The following MAP2 variants were observed in gnomAD, a reference collection of about 807,000 sequenced individuals.
The protein encoded by MAP2 is microtubule-associated protein 2.
MAP2 carries 14 observed loss-of-function variants against 137.6 expected under a neutral mutation model. The ratio of observed to expected loss-of-function variants is 0.10; its 90% CI spans 0.07 to 0.16. The LOEUF is 0.16. Among genes scored for constraint, MAP2 ranks in the 10% least tolerant of loss-of-function variants. The pLI, the probability that MAP2 is intolerant of heterozygous loss-of-function variation, is 1.00. For synonymous variants in MAP2, 786 were observed against 782.3 expected, an observed-to-expected ratio of 1.00 and a Z score of -0.08; for missense variants, 2,088 against 2,191.5, an observed-to-expected ratio of 0.95 and a Z score of 0.94.
rs147926728 is a variant in MAP2, at chr2:209,696,280, C to T, written c.4110C>T (p.Asp1370=). Reference sequence around the variant, plus strand: ...CTGAATATAAGACAGAAACCTATGACGATTACAAAGATGAGACCACCATTG... The same window carrying T: ...CTGAATATAAGACAGAAACCTATGATGATTACAAAGATGAGACCACCATTG... ...ALSEYKTETY[D]DYKDETTIDD... Residue 1370 remains aspartate (D), a synonymous_variant, in exon 8 of 16, where the codon GAC becomes GAT. Coordinates refer to ENST00000682079, the MANE Select transcript of MAP2 (RefSeq NM_001375505.1). 54 of 1,604,512 alleles carry T rather than the reference C, an allele frequency of 3.4e-5. No individual in the cohort carries two copies. The highest frequency in any genetic ancestry group is 9.0e-5 in the South Asian group (8 of 89,228).
chr2:209,530,255 A>G (rs565514602), intron 2 of MAP2, among the ~76,000 whole-genome samples: 3 of 152,222 alleles, frequency 2.0e-5, no homozygotes, highest in Admixed American at 2.0e-4. Flanking sequence ...CTAGTCACAT[A>G]TACTTCTTGT....
chr2:209,452,752 G>A (rs926610245), intron 1 of MAP2, among the ~76,000 whole-genome samples: 1 of 152,058 alleles, frequency 6.6e-6, no homozygotes, highest in Non-Finnish European at 1.5e-5. Context: ...ACCAGCCAAC[G>A]GTTCTTTATG....
At chr2:209,529,015 G>C (rs2064670707) in intron 2 of MAP2, among the ~76,000 whole-genome samples, 1 of 151,468 alleles carries the variant, frequency 6.6e-6, no homozygotes. Context: ...CTTTTTCTCT[G>C]GGGAAGACCA....
intron 2 of MAP2, among the ~76,000 whole-genome samples, chr2:209,551,465 A>G (rs2069152989): frequency 6.6e-6 from 1 of 152,208 alleles, no homozygotes; most frequent in East Asian, 1.9e-4. Context: ...ATAATTTTTA[A>G]AAAGTGATTT....
intron 3 of MAP2, among the ~76,000 whole-genome samples, chr2:209,618,433 G>A (rs1318536070): frequency 6.6e-6 from 1 of 152,158 alleles, no homozygotes; most frequent in Non-Finnish European, 1.5e-5. Flanking sequence ...TTTTGACCAT[G>A]AGTGCTACTA....
At chr2:209,489,753 A>C (rs2058839805) in intron 1 of MAP2, among the ~76,000 whole-genome samples, 1 of 152,182 alleles carries the variant, frequency 6.6e-6, no homozygotes, top group Non-Finnish European at 1.5e-5. Context: ...AAAAATAATA[A>C]AAAAGAATGA....
At chr2:209,636,446 G>T (rs182548325) in intron 4 of MAP2, among the ~76,000 whole-genome samples, 3 of 152,034 alleles carry the variant, frequency 2.0e-5, no homozygotes, top group Non-Finnish European at 4.4e-5. Flanking sequence ...TTTTTGGCAT[G>T]TGTTTACAAT....
At chr2:209,625,458 C>T (rs923315665) in intron 4 of MAP2, among the ~76,000 whole-genome samples, 1 of 152,124 alleles carries the variant, frequency 6.6e-6, no homozygotes, top group African/African-American at 2.4e-5. Flanking sequence ...CAAGCATGAT[C>T]CTACATGACT....
intron 2 of MAP2, among the ~76,000 whole-genome samples, chr2:209,556,892 A>T (rs934647576): frequency 6.6e-6 from 1 of 152,048 alleles, no homozygotes; most frequent in Non-Finnish European, 1.5e-5. Flanking sequence ...AAAACAAAAT[A>T]AGAATATTCA....
intron 2 of MAP2, among the ~76,000 whole-genome samples, chr2:209,539,915 T>C (rs2066613932): frequency 7.5e-6 from 1 of 133,540 alleles, no homozygotes; most frequent in South Asian, 2.4e-4. Flanking sequence ...CTGGGTAACA[T>C]AGTGAGACCC....
chr2:209,700,944 AT>A, intron 11 of MAP2, among the ~76,000 whole-genome samples: 1 of 152,124 alleles, frequency 6.6e-6, no homozygotes, highest in Non-Finnish European at 1.5e-5. Flanking sequence ...TGACTACGTA[AT>A]ACTGCATTTT....
chr2:209,542,542 C>T (rs1169699114), intron 2 of MAP2, among the ~76,000 whole-genome samples: 1 of 152,194 alleles, frequency 6.6e-6, no homozygotes, highest in African/African-American at 2.4e-5. Flanking sequence ...GGATCTTCTT[C>T]CAATAAAAAG....
intron 3 of MAP2, among the ~76,000 whole-genome samples, chr2:209,620,770 T>G (rs375689842): frequency 1.3e-3 from 203 of 152,322 alleles, no homozygotes; most frequent in African/African-American, 4.7e-3. Context: ...GTGCACTAAA[T>G]TACATGAATT....
At position 209,710,143 on chromosome 2, in the gene MAP2, T is replaced by G; in HGVS notation, c.4962T>G (p.Pro1654=). The G allele has an allele frequency of 6.2e-7, 1 of 1,613,986 alleles. No homozygotes were observed. The highest frequency in any genetic ancestry group is 8.5e-7 in the Non-Finnish European group (1 of 1,180,008). ...VAIIRTPPKS[P]ATPKQLRLIN... ...TCATACGTACTCCTCCAAAATCTCCTGCGACTCCCAAGCAGCTTCGGCTTA... is the reference window on the plus strand; with the variant it reads ...TCATACGTACTCCTCCAAAATCTCCGGCGACTCCCAAGCAGCTTCGGCTTA... Residue 1654 remains proline (P), a synonymous_variant, in exon 13 of 16, where the codon CCT becomes CCG. Coordinates refer to ENST00000682079, the MANE Select transcript of MAP2 (RefSeq NM_001375505.1).
At chr2:209,427,096 C>T (rs1025530835) in intron 1 of MAP2, among the ~76,000 whole-genome samples, 1 of 152,122 alleles carries the variant, frequency 6.6e-6, no homozygotes, top group East Asian at 1.9e-4. Flanking sequence ...TCATTGATGT[C>T]CTTTTGAGAC....
At chr2:209,639,291 C>A (rs1032424728) in intron 4 of MAP2, among the ~76,000 whole-genome samples, 1 of 152,110 alleles carries the variant, frequency 6.6e-6, no homozygotes, top group Admixed American at 6.6e-5. Context: ...GATATTTTAT[C>A]ATTCTTTTCA....
chr2:209,431,370 A>C (rs1454688195), intron 1 of MAP2, among the ~76,000 whole-genome samples: 1 of 152,194 alleles, frequency 6.6e-6, no homozygotes, highest in Admixed American at 6.5e-5. Flanking sequence ...AAATATTTAA[A>C]ATGCTATTAA....
intron 5 of MAP2, among the ~76,000 whole-genome samples, chr2:209,666,173 C>A (rs1003304657): frequency 2.6e-5 from 4 of 152,234 alleles, no homozygotes; most frequent in African/African-American, 9.6e-5. Flanking sequence ...AACTTGCTTT[C>A]CTTCGAGCTT....
At chr2:209,652,226 T>A (rs1224059637) in intron 4 of MAP2, among the ~76,000 whole-genome samples, 1 of 152,178 alleles carries the variant, frequency 6.6e-6, no homozygotes, top group African/African-American at 2.4e-5. Flanking sequence ...ATAGAACACC[T>A]CCTCCACAAC....
Sources: allele counts gnomAD v4.1 joint callset (sites outside exome capture counted in the v4.1 genomes callset), GRCh38; gene constraint gnomAD v4.1.1; transcripts MANE v1.5; gene names NCBI Gene and HGNC (gene_info 2026-07-23, HGNC 2026-07-21).